Variants in CNBD2 observed in about 807,000 individuals in gnomAD.
CNBD2 encodes the protein cyclic nucleotide binding domain containing 2, also known as cyclic nucleotide-binding domain-containing protein 2.
Under a neutral mutation model 63.7 loss-of-function variants are expected in CNBD2, and 64 were observed. That is an observed-to-expected ratio of 1.00 (90% CI 0.82 to 1.24). The LOEUF (loss-of-function observed/expected upper bound fraction) is 1.24, where lower values mean the gene tolerates loss of function less well. CNBD2 is among the 50% of genes most tolerant of loss of function. The probability of loss-of-function intolerance (pLI) is 0.00; values close to 1 mark genes in which losing one functional copy is unlikely to be tolerated. For synonymous variants in CNBD2, 229 were observed against 255.4 expected, an observed-to-expected ratio of 0.90 and a Z score of 0.99; for missense variants, 691 against 713.5, an observed-to-expected ratio of 0.97 and a Z score of 0.36.
rs530521930 is a variant in CNBD2, at chr20:36,008,807, G to C, written c.1148+333G>C. On this transcript the variant is annotated intron_variant, in intron 9 of 11. Transcript: ENST00000373973. ...TGTTTCTGGGCCCTTTTGATTCTGA[G>C]CTGCTTCAGAAAATTCTGTCCATCT... Among the ~76,000 whole-genome samples, 5 of 152,236 alleles carry C rather than the reference G, an allele frequency of 3.3e-5. No homozygotes were observed. In the South Asian group the frequency reaches 1.0e-3, roughly 32 times the overall value.
intron 2 of CNBD2, chr20:35,973,960 C>T (rs1379283319): frequency 1.3e-5 from 2 of 152,144 alleles, no homozygotes; most frequent in Non-Finnish European, 2.9e-5. Context: ...CCCCACTCCT[C>T]TGCATCTAGT....
chr20:36,021,351 A>C (rs1364869220), intron 10 of CNBD2, among the ~76,000 whole-genome samples: 1 of 152,244 alleles, frequency 6.6e-6, no homozygotes, highest in Non-Finnish European at 1.5e-5. Context: ...TGGGACCTAA[A>C]AACTGGATCT....
At chr20:35,994,907 C>T in intron 7 of CNBD2, 131 bp from the exon 8 acceptor site, 1 of 607,204 alleles carries the variant, frequency 1.6e-6, no homozygotes, top group Non-Finnish European at 2.9e-6. Flanking sequence ...GAAAAAAGAA[C>T]CTGAAACCAC....
rs75031487 is a variant in CNBD2 at position 35,976,860 on chromosome 20, G to A, written c.243+858G>A. 5.1e-3 allele frequency among the ~76,000 whole-genome samples: 772 copies of A among 152,270 alleles called. 6 individuals carry two copies. The highest frequency in any genetic ancestry group is 0.018 in the African/African-American group (743 of 41,552). Reference sequence around the variant, plus strand: ...GTTGTTTTTTTCCTCAGTGGAAGGGGAAAGAAAAGAACTTTATAATGGGTA... The same window carrying A: ...GTTGTTTTTTTCCTCAGTGGAAGGGAAAAGAAAAGAACTTTATAATGGGTA... On this transcript the variant is annotated intron_variant, in intron 3 of 11. Coordinates refer to ENST00000373973, the MANE Select transcript of CNBD2 (RefSeq NM_001365709.1).
chr20:35,955,860 C>T (rs983904066), downstream of CNBD2, among the ~76,000 whole-genome samples: 1 of 152,140 alleles, frequency 6.6e-6, no homozygotes, highest in South Asian at 2.1e-4. Context: ...GCTGGGATTA[C>T]AGGCGCCCAC....
chr20:36,001,515 C>G (rs1421296320), intron 8 of CNBD2, among the ~76,000 whole-genome samples: 2 of 148,982 alleles, frequency 1.3e-5, no homozygotes, highest in African/African-American at 5.0e-5. Flanking sequence ...ACCTCCCTCC[C>G]GGACGGGGCG....
At chr20:36,020,733 C>A (rs1212933333) in intron 10 of CNBD2, among the ~76,000 whole-genome samples, 1 of 152,110 alleles carries the variant, frequency 6.6e-6, no homozygotes, top group Non-Finnish European at 1.5e-5. Flanking sequence ...AGCAGCCATT[C>A]TGGTTTCTAT....
At chr20:35,972,518 C>T (rs1234822772) in intron 1 of CNBD2, 111 bp from the exon 2 acceptor site, 6 of 1,008,534 alleles carry the variant, frequency 5.9e-6, no homozygotes, top group Non-Finnish European at 7.6e-6. Context: ...CACTACAGCA[C>T]ACTACTGCAT....
downstream of CNBD2, among the ~76,000 whole-genome samples, chr20:35,958,114 C>T (rs6119683): frequency 0.093 from 14,140 of 152,224 alleles, 1,048 homozygotes; most frequent in African/African-American, 0.2. Context: ...TCAGAGCCAT[C>T]ACACTGGAGA....
intron 1 of CNBD2, among the ~76,000 whole-genome samples, chr20:35,971,021 C>T (rs1188078823): frequency 1.3e-5 from 2 of 148,852 alleles, no homozygotes; most frequent in South Asian, 2.1e-4. Context: ...GATCTCGGCT[C>T]ACTGCAAGCT....
chr20:35,988,018 T>C (rs1041529233), intron 7 of CNBD2, among the ~76,000 whole-genome samples: 1 of 152,086 alleles, frequency 6.6e-6, no homozygotes, highest in East Asian at 1.9e-4. Flanking sequence ...TACAGGTGCC[T>C]GCCACCATGC....
rs374343918 is a variant in CNBD2 at position 36,012,561 on chromosome 20, C to T, written c.1269+1304C>T. ...TTTCTAAAAAATTCAATTTCTAGGCCAGGCATCGTGGCTCACGCCTGTAAT... is the reference window on the plus strand; with the variant it reads ...TTTCTAAAAAATTCAATTTCTAGGCTAGGCATCGTGGCTCACGCCTGTAAT... On this transcript the variant is annotated intron_variant, in intron 10 of 11. Coordinates refer to ENST00000373973, the MANE Select transcript of CNBD2 (RefSeq NM_001365709.1). Among the ~76,000 whole-genome samples, 220 of 151,774 alleles carry T rather than the reference C, an allele frequency of 1.4e-3. 1 individual carries two copies. Among genetic ancestry groups the T allele is most frequent in the Non-Finnish European group, 2.8e-3 (193 of 67,932 alleles).
intron 8 of CNBD2, among the ~76,000 whole-genome samples, chr20:36,000,291 C>G (rs968257448): frequency 6.6e-6 from 1 of 151,852 alleles, no homozygotes; most frequent in Non-Finnish European, 1.5e-5. Flanking sequence ...GCATTAAAGT[C>G]TTTTTTGACT....
chr20:35,960,487 G>C (rs57184467), intron 2 of CNBD2, among the ~76,000 whole-genome samples: 1 of 152,130 alleles, frequency 6.6e-6, no homozygotes, highest in Non-Finnish European at 1.5e-5. Flanking sequence ...CCACAGGCGC[G>C]TACCGCCATG....
At chr20:35,986,193 C>T (rs2056664734) in intron 6 of CNBD2, among the ~76,000 whole-genome samples, 1 of 152,122 alleles carries the variant, frequency 6.6e-6, no homozygotes, top group Non-Finnish European at 1.5e-5. Context: ...TCTGCACTGG[C>T]CCTGAAAATT....
intron 7 of CNBD2, among the ~76,000 whole-genome samples, chr20:35,994,717 C>T (rs1020740399): frequency 5.3e-5 from 8 of 151,518 alleles, no homozygotes; most frequent in South Asian, 4.2e-4. Context: ...GGTGAAACCC[C>T]GTCTCTACTA....
At chr20:36,026,529 T>C (rs932804774) in intron 11 of CNBD2, among the ~76,000 whole-genome samples, 3 of 152,122 alleles carry the variant, frequency 2.0e-5, no homozygotes, top group African/African-American at 7.2e-5. Context: ...AACTCAATGC[T>C]ACCTCAATGA....
chr20:35,989,894 G>GAGAGA (rs2056720825), intron 7 of CNBD2, among the ~76,000 whole-genome samples: 1 of 137,418 alleles, frequency 7.3e-6, no homozygotes, highest in Non-Finnish European at 1.6e-5. Context: ...AGAGAGAAGA[G>GAGAGA]GGGAGGGGAG....
chr20:35,956,256 C>A (rs1024958945), downstream of CNBD2, among the ~76,000 whole-genome samples: 7 of 152,178 alleles, frequency 4.6e-5, no homozygotes, highest in African/African-American at 1.7e-4. Context: ...TTTCCATAGC[C>A]TGAAAACCTT....
Sources: gnomAD v4.1 joint callset for allele counts (sites outside exome capture counted in the v4.1 genomes callset) on GRCh38, gnomAD v4.1.1 for gene constraint, MANE v1.5 for transcripts, NCBI Gene and HGNC (gene_info 2026-07-23, HGNC 2026-07-21) for gene names.